LRMDA: variants seen among roughly 807,000 people sequenced by gnomAD.
LRMDA encodes leucine-rich melanocyte differentiation-associated protein.
A neutral mutation model predicts 29.8 loss-of-function variants in LRMDA; 18 were observed. That is an observed-to-expected ratio of 0.60 (90% CI 0.42 to 0.90). The LOEUF (loss-of-function observed/expected upper bound fraction) is 0.90. LRMDA is among the 40% of genes least tolerant of loss of function. The pLI is 0.00. For missense variants in LRMDA, 273 were observed against 273.9 expected (o/e 1.00, Z 0.02); for synonymous variants, 125 against 109.4 (o/e 1.14, Z -0.89).
chr10:76,396,071 G>T (rs958766221), intron 6 of LRMDA, among the ~76,000 whole-genome samples: 2 of 152,164 alleles, frequency 1.3e-5, no homozygotes, highest in African/African-American at 4.8e-5. Flanking sequence ...CCTACCATGG[G>T]CTGTGGTTTT....
At chr10:75,531,246 C>T (rs889657766) in intron 2 of LRMDA, among the ~76,000 whole-genome samples, 4 of 152,186 alleles carry the variant, frequency 2.6e-5, no homozygotes, top group Non-Finnish European at 5.9e-5. Context: ...AGAGAGGTGG[C>T]AGAGGGGGTG....
intron 6 of LRMDA, among the ~76,000 whole-genome samples, chr10:76,538,188 G>A (rs1843310932): frequency 6.6e-6 from 1 of 151,800 alleles, no homozygotes; most frequent in South Asian, 2.1e-4. Flanking sequence ...TTTTGAGTGT[G>A]TAAACTATAT....
rs1017899360 is a variant in LRMDA, at chr10:76,460,209, C to T, written c.602-97000C>T. Among the ~76,000 whole-genome samples the T allele has an allele frequency of 4.6e-5, 7 of 152,280 alleles. No individual in the cohort carries two copies. The Middle Eastern group carries it at 0.01, about 222-fold the overall frequency. The stretch of plus-strand genomic sequence containing the variant: ...AACTGTCAGGAGAGCTTTGAAAAAG[C>T]CCCAGTGTTCACACTGCACCCTCTA... On this transcript the variant is annotated intron_variant, in intron 6 of 6. Transcript: ENST00000611255.
chr10:75,487,371 T>C (rs1844927947), intron 2 of LRMDA, among the ~76,000 whole-genome samples: 1 of 152,188 alleles, frequency 6.6e-6, no homozygotes, highest in Non-Finnish European at 1.5e-5. Flanking sequence ...TGTTGTTAGA[T>C]GGATGGGTCT....
chr10:76,320,074 T>G (rs1840751662), intron 5 of LRMDA, among the ~76,000 whole-genome samples: 1 of 152,244 alleles, frequency 6.6e-6, no homozygotes, highest in Non-Finnish European at 1.5e-5. Context: ...GGCTTGAATT[T>G]TATGCATTTA....
intron 6 of LRMDA, among the ~76,000 whole-genome samples, chr10:76,550,350 G>A (rs1843478433): frequency 1.3e-5 from 2 of 152,178 alleles, no homozygotes; most frequent in Admixed American, 1.3e-4. Flanking sequence ...CAAGACATCA[G>A]GGTCAGTGTA....
chr10:75,552,573 A>G (rs761460492), intron 2 of LRMDA: 18 of 476,000 alleles, frequency 3.8e-5, no homozygotes, highest in Non-Finnish European at 6.6e-5. Flanking sequence ...CTCATCCCCT[A>G]CTTGGGATTT....
chr10:75,608,737 A>G (rs754859577), intron 2 of LRMDA, among the ~76,000 whole-genome samples: 1 of 152,174 alleles, frequency 6.6e-6, no homozygotes, highest in African/African-American at 2.4e-5. Flanking sequence ...TGAGCCTGCA[A>G]CTGTGAAGTG....
At chr10:76,486,955 G>A (rs1402274676) in intron 6 of LRMDA, among the ~76,000 whole-genome samples, 1 of 151,856 alleles carries the variant, frequency 6.6e-6, no homozygotes, top group African/African-American at 2.4e-5. Context: ...CTTCTACTTG[G>A]ACAACTAATA....
At chr10:75,744,957 A>C (rs944344194) in intron 2 of LRMDA, among the ~76,000 whole-genome samples, 4 of 152,140 alleles carry the variant, frequency 2.6e-5, no homozygotes, top group African/African-American at 9.7e-5. Flanking sequence ...GCTGACATGC[A>C]CAGGCACAGG....
chr10:76,257,582 C>T (rs1852620321), intron 5 of LRMDA, among the ~76,000 whole-genome samples: 1 of 151,828 alleles, frequency 6.6e-6, no homozygotes, highest in African/African-American at 2.4e-5. Flanking sequence ...GATCCACCTA[C>T]CTCAGCCTCC....
intron 2 of LRMDA, among the ~76,000 whole-genome samples, chr10:75,668,827 T>C (rs1841856455): frequency 6.6e-6 from 1 of 152,206 alleles, no homozygotes; most frequent in Non-Finnish European, 1.5e-5. Context: ...AGAGAATAAA[T>C]TAATTGGAAA....
rs559188456 is a variant in LRMDA, at chr10:76,156,646, A to G, written c.516+97863A>G. ...CTGAGCCACATCTTTGACTTATGATATTAGAGGAGTATTATGGGCCATTGG... is the reference window on the plus strand; with the variant it reads ...CTGAGCCACATCTTTGACTTATGATGTTAGAGGAGTATTATGGGCCATTGG... On this transcript the variant is annotated intron_variant, in intron 5 of 6. Transcript: ENST00000611255. Among the ~76,000 whole-genome samples the G allele has an allele frequency of 3.9e-5, 6 of 152,288 alleles. No individual in the cohort carries two copies. In the East Asian group the frequency reaches 1.2e-3, roughly 29 times the overall value.
chr10:76,557,037 A>C (rs1843566760), intron 6 of LRMDA, among the ~76,000 whole-genome samples, 172 bp from the exon 7 acceptor site: 1 of 152,202 alleles, frequency 6.6e-6, no homozygotes, highest in African/African-American at 2.4e-5. Flanking sequence ...AGGTTGACAG[A>C]ATCTTCTTGT....
At chr10:76,461,680 T>G (rs1360413888) in intron 6 of LRMDA, among the ~76,000 whole-genome samples, 1 of 152,108 alleles carries the variant, frequency 6.6e-6, no homozygotes, top group Non-Finnish European at 1.5e-5. Context: ...CATCAAACTA[T>G]TATGGGAGGC....
At chr10:76,433,972 A>G (rs1020873701) in intron 6 of LRMDA, among the ~76,000 whole-genome samples, 5 of 152,222 alleles carry the variant, frequency 3.3e-5, no homozygotes, top group African/African-American at 7.2e-5. Context: ...ATCCAAATGC[A>G]TGGTTGACGC....
chr10:75,490,336 TACACACACACACACAC>T (rs56077469), intron 2 of LRMDA, among the ~76,000 whole-genome samples: 3 of 148,514 alleles, frequency 2.0e-5, no homozygotes, highest in Non-Finnish European at 4.5e-5. Flanking sequence ...CATGTACACA[TACACACACACACACAC>T]ACACACACAC....
chr10:75,535,608 C>G (rs1217603234), intron 2 of LRMDA, among the ~76,000 whole-genome samples: 1 of 152,050 alleles, frequency 6.6e-6, no homozygotes. Context: ...ACCAAAGAAC[C>G]CTTAGATCAT....
intron 6 of LRMDA, among the ~76,000 whole-genome samples, chr10:76,360,746 A>G (rs1044604083): frequency 6.6e-6 from 1 of 151,800 alleles, no homozygotes; most frequent in African/African-American, 2.4e-5. Flanking sequence ...GGGAAGAGCT[A>G]CTCTCCTGAA....
Sources: gnomAD v4.1 joint callset for allele counts (sites outside exome capture counted in the v4.1 genomes callset) on GRCh38, gnomAD v4.1.1 for gene constraint, MANE v1.5 for transcripts, NCBI Gene and HGNC (gene_info 2026-07-23, HGNC 2026-07-21) for gene names.